The following FGD3 variants were observed in gnomAD, a reference collection of about 807,000 sequenced individuals.
The protein encoded by FGD3 is FYVE, RhoGEF and PH domain-containing protein 3.
FGD3 carries 45 observed loss-of-function variants against 71.8 expected under a neutral mutation model. The ratio of observed to expected loss-of-function variants is 0.63; its 90% CI spans 0.49 to 0.80. The LOEUF (loss-of-function observed/expected upper bound fraction) is 0.80. Among genes scored for constraint, FGD3 ranks in the 30% least tolerant of loss-of-function variants. The pLI is 0.00. For synonymous variants in FGD3, 378 were observed against 392.8 expected, an observed-to-expected ratio of 0.96 and a Z score of 0.44; for missense variants, 844 against 951.5, an observed-to-expected ratio of 0.89 and a Z score of 1.49.
rs1315966136 is a variant in FGD3 at position 93,022,312 on chromosome 9, C to G, written c.1495-15C>G. 6.2e-7 allele frequency: 1 copy of G among 1,609,238 alleles called. No homozygotes were observed. The highest frequency in any genetic ancestry group is 1.7e-5 in the Admixed American group (1 of 59,954). ...CCTGGAATCTCCTCTCACTCGGCCT[C>G]TGTGTCCCTTCTAGATCACGAGCAC... is the stretch of plus-strand genomic sequence containing the variant. On this transcript the variant is annotated splice_polypyrimidine_tract_variant and intron_variant, in intron 13 of 17. Transcript: ENST00000375482.
intron 3 of FGD3, among the ~76,000 whole-genome samples, chr9:92,988,888 C>T (rs1043356219): frequency 4.6e-5 from 7 of 152,196 alleles, no homozygotes; most frequent in Admixed American, 3.3e-4. Context: ...AGACCATGCT[C>T]TTGTCTGTAA....
intron 14 of FGD3, among the ~76,000 whole-genome samples, chr9:93,029,117 C>T (rs1273002401): frequency 2.1e-5 from 3 of 145,684 alleles, no homozygotes; most frequent in East Asian, 2.1e-4. Flanking sequence ...AACCAACCTC[C>T]GCCTCCTGGG....
At chr9:93,004,265 G>C (rs990096604) in intron 5 of FGD3, 128 bp downstream of exon 5, 3 of 1,200,232 alleles carry the variant, frequency 2.5e-6, no homozygotes, top group African/African-American at 3.0e-5. Flanking sequence ...TTCTCTGCAC[G>C]GTCCTGGGTC....
intron 8 of FGD3, among the ~76,000 whole-genome samples, chr9:93,013,514 C>T (rs184796684): frequency 1.8e-4 from 27 of 152,292 alleles, no homozygotes; most frequent in African/African-American, 4.3e-4. Context: ...CTCAACTGAC[C>T]GCTCTGTGCC....
chr9:93,009,666 G>A (rs561659888), intron 6 of FGD3, among the ~76,000 whole-genome samples: 1 of 152,228 alleles, frequency 6.6e-6, no homozygotes, highest in South Asian at 2.1e-4. Flanking sequence ...CAGCAAGGAG[G>A]TGCTGCAGGG....
chr9:93,022,307 G>A lies in FGD3; in HGVS notation c.1495-20G>A, dbSNP rs374511262. On this transcript the variant is annotated intron_variant, in intron 13 of 17. Coordinates refer to ENST00000375482, the MANE Select transcript of FGD3 (RefSeq NM_001083536.2). Reference sequence around the variant, plus strand: ...GTGGCCCTGGAATCTCCTCTCACTCGGCCTCTGTGTCCCTTCTAGATCACG... The same window carrying A: ...GTGGCCCTGGAATCTCCTCTCACTCAGCCTCTGTGTCCCTTCTAGATCACG... 2.5e-6 allele frequency: 4 copies of A among 1,605,946 alleles called. No individual in the cohort carries two copies. The highest frequency in any genetic ancestry group is 2.2e-5 in the East Asian group (1 of 44,718).
chr9:93,029,814 G>T, intron 14 of FGD3, 60 bp from the exon 15 acceptor site: 22 of 1,575,808 alleles, frequency 1.4e-5, no homozygotes, highest in Non-Finnish European at 1.8e-5. Context: ...CTCCACTGCC[G>T]TGTGGGGTAG....
intron 1 of FGD3, among the ~76,000 whole-genome samples, chr9:92,960,593 G>C (rs1449307583): frequency 2.0e-5 from 3 of 152,172 alleles, no homozygotes; most frequent in Non-Finnish European, 4.4e-5. Context: ...GGAAGGAATG[G>C]GGTGTAACAG....
chr9:93,001,813 T>C (rs1230497627), intron 3 of FGD3, among the ~76,000 whole-genome samples: 4 of 152,306 alleles, frequency 2.6e-5, no homozygotes, highest in Non-Finnish European at 5.9e-5. Flanking sequence ...TCAGGGAGAA[T>C]TGGCCTGCCA....
chr9:93,023,400 G>T (rs1218242819), intron 14 of FGD3, among the ~76,000 whole-genome samples: 1 of 152,234 alleles, frequency 6.6e-6, no homozygotes, highest in African/African-American at 2.4e-5. Flanking sequence ...GAGTGTGGAG[G>T]CGTGGGGGGC....
intron 5 of FGD3, among the ~76,000 whole-genome samples, chr9:93,004,555 G>GGCCTGTCCCTCTGT (rs1434978736): frequency 1.3e-5 from 2 of 152,092 alleles, no homozygotes; most frequent in African/African-American, 2.4e-5. Flanking sequence ...CTGTCCCTGT[G>GGCCTGTCCCTCTGT]GCCTGTCCCT....
At chr9:93,010,668 T>G (rs117663073) in intron 7 of FGD3, among the ~76,000 whole-genome samples, 478 of 17,374 alleles carry the variant, frequency 0.028, 1 homozygote, top group Middle Eastern at 0.071. Flanking sequence ...GAGAGAGGGA[T>G]GGAGAAACAG....
At chr9:93,028,214 A>ACACG (rs1554740282) in intron 14 of FGD3, among the ~76,000 whole-genome samples, 3 of 88,634 alleles carry the variant, frequency 3.4e-5, no homozygotes, top group African/African-American at 1.5e-4. Context: ...ACACACACAC[A>ACACG]CACGCACACA....
chr9:92,981,043 T>C (rs995382335), intron 3 of FGD3, among the ~76,000 whole-genome samples: 2 of 151,628 alleles, frequency 1.3e-5, no homozygotes, highest in Non-Finnish European at 2.9e-5. Context: ...CATTGTGTTA[T>C]TGAATTCTAG....
chr9:92,958,291 G>T (rs1347619576), intron 1 of FGD3, among the ~76,000 whole-genome samples: 1 of 152,134 alleles, frequency 6.6e-6, no homozygotes, highest in Non-Finnish European at 1.5e-5. Flanking sequence ...GAGCCACCTT[G>T]CCCGGCCTTA....
At chr9:93,007,415 C>T (rs1454856773) in intron 6 of FGD3, among the ~76,000 whole-genome samples, 3 of 152,106 alleles carry the variant, frequency 2.0e-5, no homozygotes, top group African/African-American at 7.2e-5. Context: ...TTAAGTAACT[C>T]CATTCACCAC....
intron 6 of FGD3, among the ~76,000 whole-genome samples, chr9:93,008,896 C>T (rs1419294374): frequency 2.0e-5 from 3 of 150,100 alleles, no homozygotes; most frequent in African/African-American, 7.4e-5. Context: ...GCCGGGGAGG[C>T]GGAGGCTGTA....
At chr9:93,017,270 T>C (rs1026658103) in intron 10 of FGD3, among the ~76,000 whole-genome samples, 7 of 152,124 alleles carry the variant, frequency 4.6e-5, no homozygotes, top group African/African-American at 1.7e-4. Flanking sequence ...AGACCCTGTC[T>C]CAAAAATAAT....
chr9:92,972,387 G>A (rs942151019), intron 1 of FGD3, among the ~76,000 whole-genome samples: 2 of 151,164 alleles, frequency 1.3e-5, no homozygotes, highest in Non-Finnish European at 2.9e-5. Context: ...AGGAGGCGGA[G>A]GTTGCAGTGA....
Sources: allele counts gnomAD v4.1 joint callset (sites outside exome capture counted in the v4.1 genomes callset), GRCh38; gene constraint gnomAD v4.1.1; transcripts MANE v1.5; gene names NCBI Gene and HGNC (gene_info 2026-07-23, HGNC 2026-07-21).